Variants in PKN2 observed in about 807,000 individuals in gnomAD.
PKN2 encodes the protein protein kinase N2.
In PKN2, 38 loss-of-function variants were observed where a neutral mutation model predicts 119.1. The observed-to-expected ratio is 0.32, with a 90% CI of 0.25 to 0.42. The LOEUF is 0.42. PKN2 is among the 10% of genes least tolerant of loss of function. PKN2 has a pLI of 1.00. For missense variants in PKN2, 850 were observed against 1,165.1 expected (o/e 0.73, Z 3.94); for synonymous variants, 390 against 384.9 (o/e 1.01, Z -0.15).
At chr1:88,784,049 C>T (rs1670465496) in intron 6 of PKN2, among the ~76,000 whole-genome samples, 1 of 151,658 alleles carries the variant, frequency 6.6e-6, no homozygotes, top group Non-Finnish European at 1.5e-5. Flanking sequence ...TATGTTTCTC[C>T]TCCCATACCT....
At chr1:88,710,375 G>A (rs907841407) in intron 1 of PKN2, among the ~76,000 whole-genome samples, 2 of 151,984 alleles carry the variant, frequency 1.3e-5, no homozygotes, top group Non-Finnish European at 2.9e-5. Flanking sequence ...GAGAAATTTT[G>A]CATAAGAACT....
At chr1:88,813,816 A>C (rs1671874975) in intron 16 of PKN2, 83 bp downstream of exon 16, 3 of 1,185,378 alleles carry the variant, frequency 2.5e-6, no homozygotes, top group Non-Finnish European at 3.5e-6. Context: ...TGAATTTTAG[A>C]TTTTTTTTCC....
At chr1:88,763,576 C>G (rs911666911) in intron 3 of PKN2, among the ~76,000 whole-genome samples, 2 of 130,128 alleles carry the variant, frequency 1.5e-5, no homozygotes, top group African/African-American at 5.8e-5. Flanking sequence ...CATTGCACTC[C>G]AGCCTGGGCA....
At chr1:88,813,755 G>A (rs775075558) in intron 16 of PKN2, 22 bp downstream of exon 16, 2 of 1,523,764 alleles carry the variant, frequency 1.3e-6, no homozygotes. Flanking sequence ...TTAGACATTT[G>A]TCTGAGTTTT....
At chr1:88,754,908 T>G (rs1669140734) in intron 2 of PKN2, among the ~76,000 whole-genome samples, 1 of 152,190 alleles carries the variant, frequency 6.6e-6, no homozygotes, top group African/African-American at 2.4e-5. Context: ...AATTGTATAA[T>G]AATGTTTAGA....
chr1:88,804,811 T>G (rs374835023), intron 9 of PKN2, 35 bp from the exon 10 acceptor site: 1 of 1,120,566 alleles, frequency 8.9e-7, no homozygotes, highest in Non-Finnish European at 1.3e-6. Flanking sequence ...TGAACCATGC[T>G]ATTTTCATGT....
intron 2 of PKN2, among the ~76,000 whole-genome samples, chr1:88,748,276 C>T (rs1668850946): frequency 6.6e-6 from 1 of 152,310 alleles, no homozygotes; most frequent in Non-Finnish European, 1.5e-5. Context: ...TCTATATTCC[C>T]TGACAACCAC....
At chr1:88,738,618 A>G (rs113118209) in intron 1 of PKN2, among the ~76,000 whole-genome samples, 2 of 152,372 alleles carry the variant, frequency 1.3e-5, no homozygotes, top group African/African-American at 4.8e-5. Context: ...CTTCTGGCCT[A>G]TGAGAAATAA....
At chr1:88,792,572 C>T (rs1370418370) in intron 8 of PKN2, among the ~76,000 whole-genome samples, 1 of 152,176 alleles carries the variant, frequency 6.6e-6, no homozygotes. Context: ...ACACTTTTGA[C>T]TCCCCCAGAA....
At chr1:88,710,763 CAG>C (rs535431470) in intron 1 of PKN2, among the ~76,000 whole-genome samples, 3 of 152,294 alleles carry the variant, frequency 2.0e-5, no homozygotes, top group African/African-American at 7.2e-5. Flanking sequence ...GACCTAAAGA[CAG>C]AAATACCATT....
At chr1:88,763,191 G>C (rs1669515043) in intron 3 of PKN2, among the ~76,000 whole-genome samples, 1 of 152,200 alleles carries the variant, frequency 6.6e-6, no homozygotes, top group South Asian at 2.1e-4. Context: ...GACAAGCCAG[G>C]TTATATGGTA....
rs201749502 is a variant in PKN2, at chr1:88,807,538, A to G, written c.1944A>G (p.Gln648=). Residue 648 remains glutamine (Q), a synonymous_variant, in exon 14 of 22, where the codon CAA becomes CAG. Transcript: ENST00000370521. The part of the protein sequence containing the change: ...IQELEDRRSQ[Q]RFQFNLQDFR... The stretch of plus-strand genomic sequence containing the variant: ...AAATTTCTCTTTTCAGATCTCAGCA[A>G]AGGTTTCAGTTTAATCTACAAGATT... 147 of 1,611,668 alleles carry G rather than the reference A, an allele frequency of 9.1e-5. No individual in the cohort carries two copies. The African/African-American group carries it at 1.7e-3, about 19-fold the overall frequency.
At chr1:88,711,245 C>A (rs1236897625) in intron 1 of PKN2, among the ~76,000 whole-genome samples, 1 of 151,864 alleles carries the variant, frequency 6.6e-6, no homozygotes. Flanking sequence ...ACCGCCATGA[C>A]ATGTTTACCT....
intron 1 of PKN2, among the ~76,000 whole-genome samples, chr1:88,692,442 A>G (rs1666371551): frequency 6.6e-6 from 1 of 152,220 alleles, no homozygotes; most frequent in East Asian, 1.9e-4. Flanking sequence ...ATGATGCAGA[A>G]CTTTCAATAT....
Position 88,771,825 on chromosome 1 carries a change from A to G in PKN2, c.931A>G (p.Met311Val), listed in dbSNP as rs1669905201. 1 of 1,614,064 alleles carries G rather than the reference A, an allele frequency of 6.2e-7. No homozygotes were observed. The highest frequency in any genetic ancestry group is 1.1e-5 in the South Asian group (1 of 91,088). ...ASPTLSPRQS[M>V]ISTQNQYSTL... ...ACCAACACTAAGTCCACGTCAAAGTATGATATCTACGCAAAATCAATATAG... is the reference window on the plus strand; with the variant it reads ...ACCAACACTAAGTCCACGTCAAAGTGTGATATCTACGCAAAATCAATATAG... The change falls in exon 6 of 22, where the codon ATG becomes GTG. Residue 311 changes from methionine (M) to valine (V), a missense_variant. Transcript: ENST00000370521.
intron 1 of PKN2, among the ~76,000 whole-genome samples, chr1:88,694,998 G>A (rs1188196699): frequency 6.6e-6 from 1 of 152,078 alleles, no homozygotes; most frequent in Admixed American, 6.5e-5. Context: ...GTGGTGGCGG[G>A]CGCCTGTAGT....
chr1:88,713,621 G>A (rs937140787), intron 1 of PKN2, among the ~76,000 whole-genome samples: 3 of 152,042 alleles, frequency 2.0e-5, no homozygotes, highest in African/African-American at 7.3e-5. Flanking sequence ...TTTTGATGGG[G>A]TTGTTTGATT....
chr1:88,684,468 T>G lies in PKN2; in HGVS notation c.-113T>G, dbSNP rs1665983654. On this transcript the variant is annotated 5_prime_UTR_variant, in exon 1 of 22. Coordinates refer to ENST00000370521, the MANE Select transcript of PKN2 (RefSeq NM_006256.4). ...CTGCGCCTCCATGAATCCCTAGTTG[T>G]TTTTTTTTTTTTCTTTCTCTCCCCT... is the stretch of plus-strand genomic sequence containing the variant. 4 of 393,610 alleles carry G rather than the reference T, an allele frequency of 1.0e-5. No homozygotes were observed. The highest frequency in any genetic ancestry group is 3.4e-5 in the African/African-American group (1 of 29,554). 24.4% of individuals were successfully genotyped at this position (393,610 alleles called of 1,614,324 possible). A position where few individuals can be genotyped will look rare whatever the true frequency, so the allele number is the denominator to read the frequency against.
In PKN2 at chr1:88,782,747, T is replaced by C. The variant is rs866223734; in HGVS notation, c.986-1892T>C. ...ATTGACTGTTTTGATGTCCTTGCCT[T>C]CTAACCCTAACATTTATGTCAGTTA... is the stretch of plus-strand genomic sequence containing the variant. On this transcript the variant is annotated intron_variant, in intron 6 of 21. Transcript: ENST00000370521. 2.0e-5 allele frequency among the ~76,000 whole-genome samples: 3 copies of C among 152,314 alleles called. No individual in the cohort carries two copies. In the Middle Eastern group the frequency reaches 0.01, roughly 518 times the overall value.
Sources: allele counts gnomAD v4.1 joint callset (sites outside exome capture counted in the v4.1 genomes callset), GRCh38; gene constraint gnomAD v4.1.1; transcripts MANE v1.5; gene names NCBI Gene and HGNC (gene_info 2026-07-23, HGNC 2026-07-21).